CADPS2: variants seen among roughly 807,000 people sequenced by gnomAD.
CADPS2 encodes the protein calcium-dependent secretion activator 2.
In CADPS2, 93 loss-of-function variants were observed where a neutral mutation model predicts 172.5. The observed-to-expected ratio is 0.54, with a 90% CI of 0.46 to 0.64. The LOEUF (loss-of-function observed/expected upper bound fraction) is 0.64. Among genes scored for constraint, CADPS2 ranks in the 30% least tolerant of loss-of-function variants. The pLI, the probability that CADPS2 is intolerant of heterozygous loss-of-function variation, is 0.00. For missense variants in CADPS2, 1,420 were observed against 1,565.9 expected, an observed-to-expected ratio of 0.91 and a Z score of 1.57; for synonymous variants, 546 against 555.2, an observed-to-expected ratio of 0.98 and a Z score of 0.23.
intron 24 of CADPS2, among the ~76,000 whole-genome samples, chr7:122,381,899 T>A (rs961011218): frequency 6.6e-6 from 1 of 152,204 alleles, no homozygotes; most frequent in Non-Finnish European, 1.5e-5. Flanking sequence ...TAGATTTGCA[T>A]AATATGGGAT....
At chr7:122,531,525 G>T (rs1171103087) in intron 8 of CADPS2, among the ~76,000 whole-genome samples, 4 of 152,142 alleles carry the variant, frequency 2.6e-5, no homozygotes, top group Non-Finnish European at 4.4e-5. Flanking sequence ...AAAAGAGAAT[G>T]AGTAGAGTCC....
At chr7:122,653,959 A>T (rs2079458773) in intron 3 of CADPS2, among the ~76,000 whole-genome samples, 1 of 152,196 alleles carries the variant, frequency 6.6e-6, no homozygotes, top group South Asian at 2.1e-4. Flanking sequence ...ATAACCCAAT[A>T]ATGGCTTGTA....
At chr7:122,606,077 A>C (rs2073493576) in intron 6 of CADPS2, among the ~76,000 whole-genome samples, 1 of 152,224 alleles carries the variant, frequency 6.6e-6, no homozygotes, top group Non-Finnish European at 1.5e-5. Flanking sequence ...TACTGAAAGT[A>C]AAATACAAGC....
intron 2 of CADPS2, among the ~76,000 whole-genome samples, chr7:122,734,388 A>AAAAAAG (rs2091975535): frequency 1.6e-4 from 9 of 57,496 alleles, no homozygotes; most frequent in Non-Finnish European, 3.4e-4. Context: ...AAAAAAAAAG[A>AAAAAAG]AAAAAAAAAA....
chr7:122,440,765 A>G (rs941312892), intron 16 of CADPS2, among the ~76,000 whole-genome samples: 2 of 152,162 alleles, frequency 1.3e-5, no homozygotes, highest in African/African-American at 4.8e-5. Flanking sequence ...TCAAATTATG[A>G]GCTACAGATG....
chr7:122,487,165 C>T (rs2057900625), intron 11 of CADPS2, among the ~76,000 whole-genome samples: 1 of 151,926 alleles, frequency 6.6e-6, no homozygotes, highest in South Asian at 2.1e-4. Context: ...CACGTACCAC[C>T]ATGCTCAGCT....
intron 11 of CADPS2, among the ~76,000 whole-genome samples, chr7:122,481,351 C>A (rs772567004): frequency 1.3e-5 from 2 of 151,984 alleles, no homozygotes; most frequent in African/African-American, 2.4e-5. Flanking sequence ...AAACAGTTTC[C>A]CTTTTTAGTT....
At chr7:122,722,972 G>C (rs9770057) in intron 2 of CADPS2, among the ~76,000 whole-genome samples, 101,096 of 151,680 alleles carry the variant, frequency 0.67, 34,554 homozygotes, top group Middle Eastern at 0.84. Context: ...AAACTGGCTA[G>C]CTATATGTAG....
At chr7:122,811,046 C>T (rs775057491) in intron 1 of CADPS2, among the ~76,000 whole-genome samples, 21 of 152,138 alleles carry the variant, frequency 1.4e-4, no homozygotes, top group South Asian at 2.1e-4. Flanking sequence ...GAGTATGTCA[C>T]GTTCTGATAA....
chr7:122,404,851 C>T (rs568698677), intron 20 of CADPS2, among the ~76,000 whole-genome samples: 24 of 152,108 alleles, frequency 1.6e-4, no homozygotes, highest in Non-Finnish European at 2.4e-4. Context: ...TATGGCCGGG[C>T]GCGGTGGCTC....
At chr7:122,723,652 A>G (rs2090745357) in intron 2 of CADPS2, among the ~76,000 whole-genome samples, 1 of 152,198 alleles carries the variant, frequency 6.6e-6, no homozygotes, top group Non-Finnish European at 1.5e-5. Flanking sequence ...TAGAAATACC[A>G]TTTGACCCAG....
At chr7:122,342,451 G>GTGAGTAGTAAC (rs2036923870) in intron 28 of CADPS2, among the ~76,000 whole-genome samples, 1 of 152,176 alleles carries the variant, frequency 6.6e-6, no homozygotes, top group African/African-American at 2.4e-5. Context: ...CAGGGATACT[G>GTGAGTAGTAAC]TGAGTAGTTA....
intron 6 of CADPS2, among the ~76,000 whole-genome samples, chr7:122,599,071 A>C (rs1436455643): frequency 6.6e-6 from 1 of 152,084 alleles, no homozygotes; most frequent in Non-Finnish European, 1.5e-5. Context: ...GAATGAAAGG[A>C]AGGCAGGCCA....
chr7:122,765,484 T>G (rs1423707777), intron 1 of CADPS2, among the ~76,000 whole-genome samples: 3 of 152,124 alleles, frequency 2.0e-5, no homozygotes, highest in Non-Finnish European at 4.4e-5. Flanking sequence ...GAATCACAAG[T>G]GCCTATCTAA....
chr7:122,419,099 A>G (rs1431755377), intron 17 of CADPS2, among the ~76,000 whole-genome samples: 1 of 152,200 alleles, frequency 6.6e-6, no homozygotes, highest in Non-Finnish European at 1.5e-5. Flanking sequence ...AAAGTCAGCA[A>G]CTGGGTCTCA....
intron 2 of CADPS2, among the ~76,000 whole-genome samples, chr7:122,732,069 T>C (rs2091697461): frequency 6.6e-6 from 1 of 151,664 alleles, no homozygotes; most frequent in South Asian, 2.1e-4. Flanking sequence ...ACAGTATTCA[T>C]AGTAAATATT....
At chr7:122,538,897 T>C (rs1406581435) in intron 8 of CADPS2, among the ~76,000 whole-genome samples, 1 of 151,968 alleles carries the variant, frequency 6.6e-6, no homozygotes, top group Non-Finnish European at 1.5e-5. Flanking sequence ...ATAGGTAAAA[T>C]GTAGTAGACA....
chr7:122,325,637 G>A (rs2033685666), intron 28 of CADPS2, 56 bp from the exon 29 acceptor site: 1 of 1,062,258 alleles, frequency 9.4e-7, no homozygotes, highest in Non-Finnish European at 1.4e-6. Context: ...AACAACCTCT[G>A]CAGTATTCAT....
At chr7:122,435,676 A>G (rs2050544066) in intron 17 of CADPS2, among the ~76,000 whole-genome samples, 1 of 152,150 alleles carries the variant, frequency 6.6e-6, no homozygotes, top group South Asian at 2.1e-4. Flanking sequence ...TGGGTATACA[A>G]CCAAAAAAAT....
Sources: allele counts gnomAD v4.1 joint callset (sites outside exome capture counted in the v4.1 genomes callset), GRCh38; gene constraint gnomAD v4.1.1; transcripts MANE v1.5; gene names NCBI Gene and HGNC (gene_info 2026-07-23, HGNC 2026-07-21).